The following ENTREP2 variants were observed in gnomAD, a reference collection of about 807,000 sequenced individuals.
ENTREP2 encodes the protein protein ENTREP2.
At chr15:29,207,332 G>C in the ENTREP2 span, among the ~76,000 whole-genome samples, 1 of 151,920 alleles carries the variant, frequency 6.6e-6, no homozygotes. Flanking sequence ...CGTTCCCAGC[G>C]AGTGTTACAG....
chr15:29,570,464 C>T, the ENTREP2 span: 10 of 1,184,136 alleles, frequency 8.4e-6, no homozygotes, highest in African/African-American at 1.4e-4. Context: ...CCGGCCCGCG[C>T]AGTCCCCGGA....
At chr15:29,488,277 G>A in the ENTREP2 span, among the ~76,000 whole-genome samples, 30 of 152,232 alleles carry the variant, frequency 2.0e-4, no homozygotes, top group African/African-American at 6.0e-4. Context: ...TACACCAACT[G>A]AATTTTTTTA....
At chr15:29,630,364 T>C in the ENTREP2 span, among the ~76,000 whole-genome samples, 3 of 152,304 alleles carry the variant, frequency 2.0e-5, no homozygotes, top group South Asian at 4.1e-4. Flanking sequence ...CTGTAACTAA[T>C]TCATCGTTTC....
At chr15:29,351,136 T>G in the ENTREP2 span, among the ~76,000 whole-genome samples, 1 of 152,230 alleles carries the variant, frequency 6.6e-6, no homozygotes, top group Non-Finnish European at 1.5e-5. Context: ...CTAGATGGCA[T>G]AGCCTACTAT....
At chr15:29,213,549 G>T in the ENTREP2 span, among the ~76,000 whole-genome samples, 2 of 152,096 alleles carry the variant, frequency 1.3e-5, no homozygotes, top group African/African-American at 4.8e-5. Flanking sequence ...TCTCTTTGAA[G>T]CAATTGTGAA....
chr15:29,193,512 T>C, the ENTREP2 span, among the ~76,000 whole-genome samples: 2 of 152,290 alleles, frequency 1.3e-5, no homozygotes, highest in African/African-American at 4.8e-5. Context: ...GTTCCACCAT[T>C]GGTTTCCCTG....
chr15:29,255,371 CAT>C, the ENTREP2 span, among the ~76,000 whole-genome samples: 1 of 152,068 alleles, frequency 6.6e-6, no homozygotes, highest in African/African-American at 2.4e-5. Context: ...TAAAAAATAA[CAT>C]GTTAGCAAGG....
chr15:29,596,663 A>ATTTTTATTTTTT, the ENTREP2 span, among the ~76,000 whole-genome samples: 40 of 151,662 alleles, frequency 2.6e-4, no homozygotes, highest in African/African-American at 9.7e-4. Context: ...CATCCTAATT[A>ATTTTTATTTTTT]TTTTTATTTT....
At chr15:29,222,357 T>G in the ENTREP2 span, among the ~76,000 whole-genome samples, 1 of 152,128 alleles carries the variant, frequency 6.6e-6, no homozygotes, top group East Asian at 1.9e-4. Flanking sequence ...ATCACGAAAT[T>G]ACCATGAAAA....
chr15:29,631,538 G>A, the ENTREP2 span, among the ~76,000 whole-genome samples: 1 of 152,318 alleles, frequency 6.6e-6, no homozygotes, highest in South Asian at 2.1e-4. Context: ...TCTGCAATGC[G>A]TATGTACATC....
the ENTREP2 span, chr15:29,234,940 A>C: frequency 1.3e-6 from 2 of 1,537,260 alleles, no homozygotes; most frequent in Non-Finnish European, 1.8e-6. Flanking sequence ...AGCCAGATAA[A>C]ATATATTCTC....
the ENTREP2 span, among the ~76,000 whole-genome samples, chr15:29,504,281 T>C: frequency 3.3e-5 from 5 of 152,156 alleles, no homozygotes; most frequent in African/African-American, 7.2e-5. Context: ...GATTGGGATA[T>C]GTTCTCAGAA....
the ENTREP2 span, among the ~76,000 whole-genome samples, chr15:29,184,897 G>C: frequency 6.6e-6 from 1 of 152,030 alleles, no homozygotes; most frequent in African/African-American, 2.4e-5. Flanking sequence ...CAGAATGAGA[G>C]AGAGGAGAAG....
chr15:29,216,726 T>A, the ENTREP2 span, among the ~76,000 whole-genome samples: 1 of 152,226 alleles, frequency 6.6e-6, no homozygotes, highest in Non-Finnish European at 1.5e-5. Flanking sequence ...ATTAGCAATA[T>A]TTGTTTTTTC....
the ENTREP2 span, among the ~76,000 whole-genome samples, chr15:29,641,725 A>G: frequency 6.6e-6 from 1 of 151,744 alleles, no homozygotes; most frequent in Admixed American, 6.6e-5. Flanking sequence ...CCAGCTACTC[A>G]GAAGGCTGAG....
At chr15:29,346,955 C>T in the ENTREP2 span, among the ~76,000 whole-genome samples, 3 of 152,144 alleles carry the variant, frequency 2.0e-5, no homozygotes, top group Non-Finnish European at 4.4e-5. Context: ...AAGCCATAGG[C>T]CAAGAGTTAA....
chr15:29,320,760 G>A, the ENTREP2 span, among the ~76,000 whole-genome samples: 1 of 152,150 alleles, frequency 6.6e-6, no homozygotes, highest in East Asian at 1.9e-4. Flanking sequence ...GGGCTCATAA[G>A]TAGACCAGAC....
At chr15:29,232,171 G>A in the ENTREP2 span, among the ~76,000 whole-genome samples, 1 of 152,092 alleles carries the variant, frequency 6.6e-6, no homozygotes, top group African/African-American at 2.4e-5. Context: ...GATTACAGGT[G>A]TGAGCCACCG....
the ENTREP2 span, among the ~76,000 whole-genome samples, chr15:29,598,610 A>T: frequency 6.6e-6 from 1 of 152,242 alleles, no homozygotes; most frequent in Non-Finnish European, 1.5e-5. Flanking sequence ...AAAATTTTCA[A>T]ACTAAAACTA....
Sources: gnomAD v4.1 joint callset for allele counts (sites outside exome capture counted in the v4.1 genomes callset) on GRCh38, gnomAD v4.1.1 for gene constraint, MANE v1.5 for transcripts, NCBI Gene and HGNC (gene_info 2026-07-23, HGNC 2026-07-21) for gene names.